The following NEB variants were observed in gnomAD, a reference collection of about 807,000 sequenced individuals.
NEB encodes the protein nebulin.
In NEB, 512 loss-of-function variants were observed where a neutral mutation model predicts 952.2. The observed-to-expected ratio is 0.54, with a 90% CI of 0.50 to 0.58. The LOEUF is 0.58. NEB is among the 20% of genes least tolerant of loss of function. NEB has a pLI of 0.00. For synonymous variants in NEB, 2,900 were observed against 3,149.8 expected (o/e 0.92, Z 2.66); for missense variants, 8,428 against 9,231.1 (o/e 0.91, Z 3.56).
At chr2:151,696,877 G>T in intron 16 of NEB, 142 bp from the exon 17 acceptor site, 1 of 667,370 alleles carries the variant, frequency 1.5e-6, no homozygotes. Context: ...TAACTAGACT[G>T]TAGTTTGAGA....
At chr2:151,670,325 C>G (rs1427337265) in intron 38 of NEB, among the ~76,000 whole-genome samples, 1 of 152,068 alleles carries the variant, frequency 6.6e-6, no homozygotes, top group Non-Finnish European at 1.5e-5. Flanking sequence ...TTTACTTACC[C>G]GTCTCTTTCT....
intron 74 of NEB, 146 bp downstream of exon 74, chr2:151,618,129 T>C (rs886883244): frequency 3.8e-5 from 28 of 728,754 alleles, no homozygotes; most frequent in East Asian, 5.4e-5. Context: ...GAAGTATCAC[T>C]AAGTAACTAT....
At chr2:151,698,862 T>A (rs1278616779) in intron 13 of NEB, among the ~76,000 whole-genome samples, 1 of 151,244 alleles carries the variant, frequency 6.6e-6, no homozygotes, top group African/African-American at 2.4e-5. Context: ...ATGGTCTCCA[T>A]CTCTTTTTTT....
rs367921141 is a variant in NEB at position 151,505,497 on chromosome 2, G to A, written c.23723C>T (p.Thr7908Met). Residue 7908 changes from threonine to methionine, a missense_variant, in exon 165 of 182, where the codon ACG becomes ATG. Physicochemically the swap from Thr to Met is moderately conservative, Grantham distance 81. This residue lies in a region of NEB where 3,374 missense variants were observed against 3,651.5 expected (regional missense o/e 0.92). Coordinates refer to ENST00000397345, the MANE Select transcript of NEB (RefSeq NM_001164508.2). ...DLPEVKRVKE[T>M]QKHISSVMYK... ...CACTACCGAGCTAATGTGCTTCTGC[G>A]TCTCCTTCACACGTTTCACTTCAGG... 32 of 1,613,580 alleles carry A rather than the reference G, an allele frequency of 2.0e-5. No individual in the cohort carries two copies. Among genetic ancestry groups the A allele is most frequent in the South Asian group, 3.3e-5 (3 of 91,066 alleles).
intron 77 of NEB, among the ~76,000 whole-genome samples, chr2:151,614,066 C>T (rs1016040310): frequency 1.3e-5 from 2 of 152,134 alleles, no homozygotes; most frequent in Non-Finnish European, 2.9e-5. Context: ...TAATGAAAAG[C>T]ACATTACAGG....
rs771460758 is a variant in NEB at position 151,678,075 on chromosome 2, TCTGATTGTATCTTGGC to T, written c.3352_3367del (p.Ala1118IlefsTer61). 2 of 1,613,932 alleles carry T rather than the reference TCTGATTGTATCTTGGC, an allele frequency of 1.2e-6. No individual in the cohort carries two copies. The highest frequency in any genetic ancestry group is 3.3e-5 in the Admixed American group (2 of 60,020). On this transcript the variant is annotated frameshift_variant, in exon 33 of 182. Coordinates refer to ENST00000397345, the MANE Select transcript of NEB (RefSeq NM_001164508.2). LOFTEE classifies it high-confidence loss of function. ...CTCATAGTCTTTTTTATACTCCCGA[TCTGATTGTATCTTGGC>T]CACGTTCATATAATGAACCAGTTTA...
chr2:151,618,042 G>A (rs1464281060), intron 74 of NEB, among the ~76,000 whole-genome samples: 1 of 152,008 alleles, frequency 6.6e-6, no homozygotes, highest in African/African-American at 2.4e-5. Flanking sequence ...CCTGGGCGAC[G>A]AGAACAAAAC....
chr2:151,714,679 G>A (rs1399566187), intron 10 of NEB, among the ~76,000 whole-genome samples: 1 of 151,978 alleles, frequency 6.6e-6, no homozygotes, highest in Non-Finnish European at 1.5e-5. Context: ...TTCAACAAGG[G>A]GATATTGAGT....
intron 181 of NEB, chr2:151,486,752 C>G (rs749631051): frequency 6.6e-6 from 1 of 152,158 alleles, no homozygotes; most frequent in Non-Finnish European, 1.5e-5. Flanking sequence ...ACGCCATGCA[C>G]CAAGGTCAGT....
intron 64 of NEB, among the ~76,000 whole-genome samples, chr2:151,636,004 G>T (rs1188058364): frequency 6.6e-6 from 1 of 152,080 alleles, no homozygotes. Flanking sequence ...CTCTATTTTT[G>T]GTTGACCAGT....
intron 13 of NEB, among the ~76,000 whole-genome samples, chr2:151,703,121 C>G (rs996696900): frequency 6.8e-6 from 1 of 147,294 alleles, no homozygotes; most frequent in Non-Finnish European, 1.5e-5. Flanking sequence ...ACTTATGAAG[C>G]TTAGTTTGGC....
At position 151,662,304 on chromosome 2, in the gene NEB, C is replaced by T. The variant is rs763717355; in HGVS notation, c.5801G>A (p.Gly1934Asp). Residue 1934 changes from glycine (G) to aspartate (D), a missense_variant, in exon 46 of 182, where the codon GGC becomes GAC. Around this residue, in one of 11 missense-constraint regions of NEB, gnomAD observed 2,851 missense variants for 2,791.5 expected, o/e 1.02. Transcript: ENST00000397345. ...GGAGCCCAGAGGGAGCCATCCAATG[C>T]CCTTCATGAAGTCAGCATAGTCAGC... ...YKADYADFMK[G>D]IGWLPLGSLE... 2.0e-5 allele frequency: 33 copies of T among 1,613,374 alleles called. No homozygotes were observed. Among genetic ancestry groups the T allele is most frequent in the Non-Finnish European group, 2.8e-5 (33 of 1,179,604 alleles).
In NEB at chr2:151,677,946, T is replaced by A. The variant is rs765273968; in HGVS notation, c.3497A>T (p.His1166Leu). The A allele has an allele frequency of 5.6e-6, 9 of 1,613,838 alleles. No homozygotes were observed. The Admixed American group carries it at 1.5e-4, about 27-fold the overall frequency. ...VSNVNYKHSL[H>L]HYTYLPDAMD... ...GGCGTCAGGCAAGTAGGTGTAATGA[T>A]GGAGAGAATGCTTATAGTTGACATT... is the stretch of plus-strand genomic sequence containing the variant. The change falls in exon 33 of 182, where the codon CAT becomes CTT. Residue 1166 changes from histidine to leucine, a missense_variant. This residue lies in a region of NEB where 2,851 missense variants were observed against 2,791.5 expected (regional missense o/e 1.02). Transcript: ENST00000397345.
In NEB at chr2:151,561,097, T is replaced by C. The variant is rs1416844553; in HGVS notation, c.19113A>G (p.Lys6371=). The C allele has an allele frequency of 1.3e-6, 2 of 1,587,444 alleles. No homozygotes were observed. Among genetic ancestry groups the C allele is most frequent in the African/African-American group, 2.7e-5 (2 of 73,876 alleles). The change falls in exon 123 of 182, where the codon AAA becomes AAG. Residue 6371 remains lysine (K), a synonymous_variant. Coordinates refer to ENST00000397345, the MANE Select transcript of NEB (RefSeq NM_001164508.2). ...SGINASEVKY[K]ENYHQIKDKY... ...TGTCCTTAATCTGATGATAATTTTCTTTATATTTTACCTGTAGACAAGCAA... is the reference window on the plus strand; with the variant it reads ...TGTCCTTAATCTGATGATAATTTTCCTTATATTTTACCTGTAGACAAGCAA...
chr2:151,576,183 G>T lies in NEB; in HGVS notation c.16876C>A (p.Leu5626Ile). 6.2e-7 allele frequency: 1 copy of T among 1,603,036 alleles called. No individual in the cohort carries two copies. Among genetic ancestry groups the T allele is most frequent in the Non-Finnish European group, 8.5e-7 (1 of 1,173,036 alleles). The change falls in exon 106 of 182, where the codon CTT becomes ATT. Residue 5626 changes from leucine to isoleucine, a missense_variant. Physicochemically the swap from Leu to Ile is conservative, Grantham distance 5. Coordinates refer to ENST00000397345, the MANE Select transcript of NEB (RefSeq NM_001164508.2). ...TSIVDTPEVV[L>I]AKSNAENISI... ...ATATTTTCAGCATTTGATTTAGCAA[G>T]GACCACTTCAGGTGTGTCAACAATG...
At chr2:151,526,605 A>G (rs2086208189) in intron 148 of NEB, among the ~76,000 whole-genome samples, 1 of 152,182 alleles carries the variant, frequency 6.6e-6, no homozygotes, top group African/African-American at 2.4e-5. Flanking sequence ...GGAAAGTATG[A>G]TCCCATAGAA....
chr2:151,625,851 C>T (rs1011891395), intron 70 of NEB, among the ~76,000 whole-genome samples: 1 of 151,920 alleles, frequency 6.6e-6, no homozygotes, highest in African/African-American at 2.4e-5. Flanking sequence ...TATATATATA[C>T]ATATAATCAA....
chr2:151,559,492 G>A (rs561031675), intron 124 of NEB, among the ~76,000 whole-genome samples: 216 of 152,258 alleles, frequency 1.4e-3, no homozygotes, highest in African/African-American at 5.1e-3. Context: ...ACATGCACAC[G>A]TATGTTTATT....
At chr2:151,494,108 C>T (rs2058551411) in intron 174 of NEB, 53 bp downstream of exon 174, 1 of 1,450,584 alleles carries the variant, frequency 6.9e-7, no homozygotes. Context: ...GCAGGCCAAA[C>T]TGCAAGAGTT....
Sources: gnomAD v4.1 joint callset for allele counts (sites outside exome capture counted in the v4.1 genomes callset) on GRCh38, gnomAD v4.1.1 for gene constraint, gnomAD v4.1.1 regional missense constraint, MANE v1.5 for transcripts, NCBI Gene and HGNC (gene_info 2026-07-23, HGNC 2026-07-21) for gene names.